CPD: variants seen among roughly 807,000 people sequenced by gnomAD.
CPD encodes the protein carboxypeptidase D, also known as metallocarboxypeptidase D.
Under a neutral mutation model 138.3 loss-of-function variants are expected in CPD, and 69 were observed. The ratio of observed to expected loss-of-function variants is 0.50; its 90% CI spans 0.41 to 0.61. CPD has a LOEUF of 0.61. CPD is among the 20% of genes least tolerant of loss of function. The pLI, the probability that CPD is intolerant of heterozygous loss-of-function variation, is 0.00. For synonymous variants in CPD, 651 were observed against 642.1 expected (o/e 1.01, Z -0.21); for missense variants, 1,432 against 1,733.3 (o/e 0.83, Z 3.09).
At position 30,462,073 on chromosome 17, in the gene CPD, C is replaced by A; in HGVS notation, c.3816+11C>A. The A allele has an allele frequency of 1.3e-6, 2 of 1,596,866 alleles. No individual in the cohort carries two copies. The highest frequency in any genetic ancestry group is 2.3e-5 in the South Asian group (2 of 88,554). On this transcript the variant is annotated intron_variant, in intron 19 of 20. Transcript: ENST00000225719. Reference sequence around the variant, plus strand: ...CAACAACATTCACAGGTAAGAAACTCAAATTGAGTAGCATCATGTAAATTT... The same window carrying A: ...CAACAACATTCACAGGTAAGAAACTAAAATTGAGTAGCATCATGTAAATTT...
Position 30,467,456 on chromosome 17 carries a change from G to C in CPD, c.*2642G>C, listed in dbSNP as rs930878551. On this transcript the variant is annotated 3_prime_UTR_variant, in exon 21 of 21. Transcript: ENST00000225719. ...CCCTTCAGTTTTGATGCATTTTGCT[G>C]AACACTTGGGTAGTGAGTGGGATCC... 1 of 152,138 alleles carries C rather than the reference G, an allele frequency of 6.6e-6. No individual in the cohort carries two copies. The highest frequency in any genetic ancestry group is 1.9e-4 in the East Asian group (1 of 5,198). 9.4% of individuals were successfully genotyped at this position (152,138 alleles called of 1,614,324 possible).
chr17:30,386,282 A>C (rs1255468310), intron 2 of CPD, among the ~76,000 whole-genome samples: 1 of 151,946 alleles, frequency 6.6e-6, no homozygotes, highest in Non-Finnish European at 1.5e-5. Context: ...TCTTACCTCA[A>C]ACTCCCAAAG....
At chr17:30,433,431 A>T (rs1303337244) in intron 8 of CPD, among the ~76,000 whole-genome samples, 6 of 151,978 alleles carry the variant, frequency 3.9e-5, no homozygotes, top group South Asian at 4.2e-4. Context: ...TTTTGATTTG[A>T]TTTACCTTTC....
chr17:30,379,862 G>C lies in CPD; in HGVS notation c.746+136G>C. ...AGGTGAAGGGAGACACCCTGTAACG[G>C]GGACAGGGCCCAGGCCGCGTAGCCT... On this transcript the variant is annotated intron_variant, in intron 1 of 20. Coordinates refer to ENST00000225719, the MANE Select transcript of CPD (RefSeq NM_001304.5). This position sits in a 1 kb window ranked among gnomAD's most constrained non-coding sequence, Gnocchi z 7.0. 1 of 576,984 alleles carries C rather than the reference G, an allele frequency of 1.7e-6. No individual in the cohort carries two copies. Among genetic ancestry groups the C allele is most frequent in the Non-Finnish European group, 2.7e-6 (1 of 374,344 alleles). The allele number at this position is 576,984 out of a possible 1,614,324, so 35.7% of individuals were successfully genotyped here.
At chr17:30,394,240 G>A (rs186397523) in intron 2 of CPD, among the ~76,000 whole-genome samples, 16 of 148,264 alleles carry the variant, frequency 1.1e-4, no homozygotes, top group East Asian at 1.0e-3. Context: ...GCATGGGAGC[G>A]AAGATCCCAC....
At chr17:30,444,399 G>A (rs1480857226) in intron 11 of CPD, among the ~76,000 whole-genome samples, 1 of 151,628 alleles carries the variant, frequency 6.6e-6, no homozygotes, top group East Asian at 1.9e-4. Context: ...TAACAGAAGT[G>A]TTAGTTGATG....
rs1567876203 is a variant in CPD at position 30,427,498 on chromosome 17, A to G, written c.1957A>G (p.Ile653Val). Reference sequence around the variant, plus strand: ...CACAGATCCTACGCAACCAGAAACTATTGCTGTAATGAGCTGGATGAAGTC... The same window carrying G: ...CACAGATCCTACGCAACCAGAAACTGTTGCTGTAATGAGCTGGATGAAGTC... Reference protein sequence around the residue: ...QITDPTQPETIAVMSWMKSYP... With the variant: ...QITDPTQPETVAVMSWMKSYP... Residue 653 changes from isoleucine (I) to valine (V), a missense_variant, in exon 7 of 21, where the codon ATT (isoleucine) becomes GTT (valine). Ile to Val is a conservative substitution (Grantham distance 29). This residue lies in a region of CPD where 297 missense variants were observed against 405.3 expected (regional missense o/e 0.73). Transcript: ENST00000225719. The G allele has an allele frequency of 1.9e-6, 3 of 1,614,184 alleles. No homozygotes were observed. The South Asian group carries it at 3.3e-5, about 18-fold the overall frequency.
intron 2 of CPD, among the ~76,000 whole-genome samples, chr17:30,405,915 A>G (rs913169308): frequency 6.6e-6 from 1 of 152,090 alleles, no homozygotes; most frequent in Non-Finnish European, 1.5e-5. Context: ...CCTCTTATCT[A>G]GAGGCATAAT....
At position 30,443,874 on chromosome 17, in the gene CPD, G is replaced by A; in HGVS notation, c.2446G>A (p.Val816Ile). 1 of 1,613,960 alleles carries A rather than the reference G, an allele frequency of 6.2e-7. No homozygotes were observed. Among genetic ancestry groups the A allele is most frequent in the Non-Finnish European group, 8.5e-7 (1 of 1,179,878 alleles). Reference protein sequence around the residue: ...GRGILNATISVAEINHPVTTY... With the variant: ...GRGILNATISIAEINHPVTTY... ...GGGTATATTAAATGCCACCATTAGT[G>A]TTGCTGAGATTAATCACCCAGTGAC... is the stretch of plus-strand genomic sequence containing the variant. The change falls in exon 11 of 21, where the codon GTT (valine) becomes ATT (isoleucine). Residue 816 changes from valine (V) to isoleucine (I), a missense_variant. Physicochemically the swap from Val to Ile is conservative, Grantham distance 29. Around this residue, in one of 6 missense-constraint regions of CPD, gnomAD observed 297 missense variants for 405.3 expected, o/e 0.73. Transcript: ENST00000225719.
At chr17:30,442,114 T>C (rs1912886888) in intron 9 of CPD, among the ~76,000 whole-genome samples, 194 bp from the exon 10 acceptor site, 1 of 152,172 alleles carries the variant, frequency 6.6e-6, no homozygotes, top group Non-Finnish European at 1.5e-5. Context: ...ATTAAGAGAT[T>C]CAACTTCTTC....
chr17:30,457,336 C>T (rs577712881), intron 17 of CPD, among the ~76,000 whole-genome samples: 10 of 152,220 alleles, frequency 6.6e-5, no homozygotes, highest in Admixed American at 6.5e-4. Flanking sequence ...TATGTTTATA[C>T]CACATTTTAT....
At chr17:30,424,710 C>A (rs1912355960) in intron 6 of CPD, among the ~76,000 whole-genome samples, 1 of 152,236 alleles carries the variant, frequency 6.6e-6, no homozygotes, top group Non-Finnish European at 1.5e-5. Flanking sequence ...CCTGGGCAAG[C>A]CCATCTCTCC....
intron 8 of CPD, among the ~76,000 whole-genome samples, chr17:30,433,314 C>T (rs193117204): frequency 3.0e-4 from 46 of 152,244 alleles, no homozygotes; most frequent in African/African-American, 8.9e-4. Flanking sequence ...CTGGATTTTG[C>T]ATATTTTCTC....
At chr17:30,396,499 A>G (rs1183060453) in intron 2 of CPD, among the ~76,000 whole-genome samples, 1 of 152,198 alleles carries the variant, frequency 6.6e-6, no homozygotes, top group Non-Finnish European at 1.5e-5. Flanking sequence ...GAAGGATTGA[A>G]TTTATTAATC....
At chr17:30,380,732 A>G (rs968692801) in intron 1 of CPD, 5 of 906,620 alleles carry the variant, frequency 5.5e-6, no homozygotes, top group Non-Finnish European at 8.2e-6. Flanking sequence ...ATCTCTGTGG[A>G]AGAGGTAGAG....
chr17:30,384,932 A>G, intron 1 of CPD, 57 bp from the exon 2 acceptor site: 1 of 1,558,424 alleles, frequency 6.4e-7, no homozygotes. Flanking sequence ...AATTTTTTTA[A>G]TGCATGGTGT....
rs1913693387 is a variant in CPD at position 30,468,144 on chromosome 17, T to G, written c.*3330T>G. The G allele has an allele frequency of 6.6e-6, 1 of 152,586 alleles. No homozygotes were observed. Among genetic ancestry groups the G allele is most frequent in the Non-Finnish European group, 1.5e-5 (1 of 68,012 alleles). 9.5% of individuals were successfully genotyped at this position (152,586 alleles called of 1,614,324 possible). A position where few individuals can be genotyped will look rare whatever the true frequency, so the allele number is the denominator to read the frequency against. On this transcript the variant is annotated 3_prime_UTR_variant, in exon 21 of 21. Coordinates refer to ENST00000225719, the MANE Select transcript of CPD (RefSeq NM_001304.5). Reference sequence around the variant, plus strand: ...TACCCATTTATCCTATTTTTAGCAATAATTCGTTAATGATTCCACTTGATT... The same window carrying G: ...TACCCATTTATCCTATTTTTAGCAAGAATTCGTTAATGATTCCACTTGATT...
chr17:30,433,249 G>A (rs939202428), intron 8 of CPD, among the ~76,000 whole-genome samples: 2 of 152,082 alleles, frequency 1.3e-5, no homozygotes, highest in Admixed American at 6.6e-5. Context: ...AAGTACATAC[G>A]TGGAGTAATA....
Position 30,379,060 on chromosome 17 carries a change from G to C in CPD, c.80G>C (p.Ser27Thr), listed in dbSNP as rs1910966266. Residue 27 changes from serine to threonine, a missense_variant, in exon 1 of 21, where the codon AGC becomes ACC. Around this residue, in one of 6 missense-constraint regions of CPD, gnomAD observed 484 missense variants for 477.2 expected, o/e 1.01. Coordinates refer to ENST00000225719, the MANE Select transcript of CPD (RefSeq NM_001304.5). The surrounding 1 kb of genome is among the most constrained non-coding windows in gnomAD (Gnocchi z 7.0). ...CTCATGTGCCTGCTGCTGCTGGGGA[G>C]CTCGGCCCGGGCGGCTCACATCAAG... is the stretch of plus-strand genomic sequence containing the variant. The part of the protein sequence containing the change: ...LLLMCLLLLG[S>T]SARAAHIKKA... 1.8e-5 allele frequency: 28 copies of C among 1,561,526 alleles called. No individual in the cohort carries two copies. Among genetic ancestry groups the C allele is most frequent in the Non-Finnish European group, 2.4e-5 (28 of 1,160,646 alleles).
Sources: allele counts gnomAD v4.1 joint callset (sites outside exome capture counted in the v4.1 genomes callset), GRCh38; gene constraint gnomAD v4.1.1; regional missense constraint gnomAD v4.1.1; non-coding constraint Gnocchi (gnomAD v3.1); transcripts MANE v1.5; gene names NCBI Gene and HGNC (gene_info 2026-07-23, HGNC 2026-07-21).